Variants in KCNT2 observed in about 807,000 individuals in gnomAD.
The protein encoded by KCNT2 is potassium sodium-activated channel subfamily T member 2, also known as potassium channel subfamily T member 2.
KCNT2 carries 67 observed loss-of-function variants against 153.8 expected under a neutral mutation model. The ratio of observed to expected loss-of-function variants is 0.44; its 90% CI spans 0.36 to 0.53. KCNT2 has a LOEUF of 0.53. Ranked by LOEUF, KCNT2 falls within the 20% of genes least tolerant of loss-of-function variation. The pLI, the probability that KCNT2 is intolerant of heterozygous loss-of-function variation, is 0.00. For synonymous variants in KCNT2, 500 were observed against 458.8 expected (o/e 1.09, Z -1.15); for missense variants, 975 against 1,354.8 (o/e 0.72, Z 4.40).
chr1:196,438,798 T>C (rs1031950525), intron 8 of KCNT2, among the ~76,000 whole-genome samples: 2 of 152,002 alleles, frequency 1.3e-5, no homozygotes, highest in African/African-American at 4.8e-5. Context: ...ATTTATACAA[T>C]TCACTAAGTT....
intron 14 of KCNT2, among the ~76,000 whole-genome samples, chr1:196,356,411 T>G (rs1018159134): frequency 6.6e-6 from 1 of 151,780 alleles, no homozygotes; most frequent in Admixed American, 6.6e-5. Flanking sequence ...TGGATGCATA[T>G]GATGATTATT....
chr1:196,445,502 A>G (rs1040307797), intron 8 of KCNT2, among the ~76,000 whole-genome samples: 2 of 151,396 alleles, frequency 1.3e-5, no homozygotes, highest in South Asian at 2.1e-4. Flanking sequence ...TTCACATTGT[A>G]AGCAATGAGA....
chr1:196,269,690 C>G (rs756294889), intron 25 of KCNT2, among the ~76,000 whole-genome samples: 1 of 151,960 alleles, frequency 6.6e-6, no homozygotes, highest in Non-Finnish European at 1.5e-5. Flanking sequence ...TAAAAAATAC[C>G]TATTGTTATA....
In KCNT2 at chr1:196,296,392, A is replaced by C. The variant is rs568653344; in HGVS notation, c.2595+8842T>G. On this transcript the variant is annotated intron_variant, in intron 22 of 27. Coordinates refer to ENST00000294725, the MANE Select transcript of KCNT2 (RefSeq NM_198503.5). ...TAATCTGATACAGTTTGATTATAAC[A>C]ATGAATATATTACAAATATGAATAA... 1.4e-3 allele frequency among the ~76,000 whole-genome samples: 206 copies of C among 152,150 alleles called. 1 individual carries two copies. In the South Asian group the frequency reaches 0.014, roughly 11 times the overall value.
intron 8 of KCNT2, among the ~76,000 whole-genome samples, chr1:196,449,859 A>G (rs1369814015): frequency 6.6e-6 from 1 of 151,726 alleles, no homozygotes; most frequent in Non-Finnish European, 1.5e-5. Flanking sequence ...AATTGACTTT[A>G]TGATGTTTTA....
Position 196,365,670 on chromosome 1 carries a change from T to G in KCNT2, c.1403+7470A>C, listed in dbSNP as rs150953907. 3.0e-4 allele frequency among the ~76,000 whole-genome samples: 45 copies of G among 152,326 alleles called. No individual in the cohort carries two copies. The East Asian group carries it at 8.3e-3, about 28-fold the overall frequency. On this transcript the variant is annotated intron_variant, in intron 14 of 27. Coordinates refer to ENST00000294725, the MANE Select transcript of KCNT2 (RefSeq NM_198503.5). ...TCTTATAGTCATGAAATTGTGATGT[T>G]TTGGTATAGGCTTAGGAATATTCTG...
intron 14 of KCNT2, among the ~76,000 whole-genome samples, chr1:196,359,954 A>G (rs568268296): frequency 3.3e-5 from 5 of 152,192 alleles, no homozygotes; most frequent in African/African-American, 1.2e-4. Flanking sequence ...TTTAAATCTA[A>G]TTTAATAATG....
At chr1:196,263,808 C>T (rs182878468) in intron 25 of KCNT2, among the ~76,000 whole-genome samples, 1 of 152,140 alleles carries the variant, frequency 6.6e-6, no homozygotes, top group Non-Finnish European at 1.5e-5. Flanking sequence ...GGTTAATTAT[C>T]TCTAAAAGAT....
chr1:196,477,215 TTTGTAAAAACTTC>T (rs1191683897), intron 5 of KCNT2, among the ~76,000 whole-genome samples: 1 of 150,644 alleles, frequency 6.6e-6, no homozygotes, highest in Non-Finnish European at 1.5e-5. Flanking sequence ...AAAGGGTGAG[TTTGTAAAAACTTC>T]TTGCTCTAAA....
chr1:196,491,147 A>T (rs910459401), intron 2 of KCNT2, among the ~76,000 whole-genome samples: 4 of 152,022 alleles, frequency 2.6e-5, no homozygotes, highest in Non-Finnish European at 5.9e-5. Context: ...CAAACAATGC[A>T]TCCACCTTTT....
At chr1:196,573,225 T>A (rs1329278091) in intron 1 of KCNT2, among the ~76,000 whole-genome samples, 1 of 152,082 alleles carries the variant, frequency 6.6e-6, no homozygotes, top group African/African-American at 2.4e-5. Context: ...AATAAAAGCA[T>A]ACTAAAAAAG....
At chr1:196,328,648 C>A (rs866337398) in intron 18 of KCNT2, among the ~76,000 whole-genome samples, 44 of 147,754 alleles carry the variant, frequency 3.0e-4, no homozygotes, top group East Asian at 8.0e-4. Context: ...AAAAAAAAAA[C>A]CAGAAAACTA....
Position 196,340,469 on chromosome 1 carries a change from TA to T in KCNT2, c.1654del (p.Tyr552IlefsTer39). The stretch of plus-strand genomic sequence containing the variant: ...ATTCTCTTCTTTGGTAATATTAATA[TA>T]AAAGCATATGTCTGTAGAATTCATA... ...YIMNSTDICF[Y>X]INITKEENSA... is the part of the protein sequence containing the mutation. On this transcript the variant is annotated frameshift_variant, in exon 16 of 28. Transcript: ENST00000294725. LOFTEE classifies it high-confidence loss of function. 6.2e-7 allele frequency: 1 copy of T among 1,611,414 alleles called. No individual in the cohort carries two copies. Among genetic ancestry groups the T allele is most frequent in the Non-Finnish European group, 8.5e-7 (1 of 1,178,042 alleles).
At chr1:196,571,091 G>T (rs1660727357) in intron 1 of KCNT2, among the ~76,000 whole-genome samples, 1 of 152,040 alleles carries the variant, frequency 6.6e-6, no homozygotes, top group Non-Finnish European at 1.5e-5. Flanking sequence ...TATTTTGTAT[G>T]ACTTCAACAC....
intron 21 of KCNT2, among the ~76,000 whole-genome samples, chr1:196,309,522 C>T (rs886128035): frequency 2.6e-5 from 4 of 151,768 alleles, no homozygotes; most frequent in Admixed American, 6.6e-5. Flanking sequence ...TTCTGTTCTA[C>T]ATAAATGAAC....
chr1:196,586,738 T>TC (rs1387113078), intron 1 of KCNT2, among the ~76,000 whole-genome samples: 13 of 152,028 alleles, frequency 8.6e-5, no homozygotes, highest in African/African-American at 3.1e-4. Context: ...CAACAACAAC[T>TC]GTAAGTAGTA....
intron 1 of KCNT2, among the ~76,000 whole-genome samples, chr1:196,516,926 C>G (rs1267725289): frequency 1.3e-5 from 2 of 152,144 alleles, no homozygotes; most frequent in African/African-American, 4.8e-5. Flanking sequence ...TATGTGGGTC[C>G]CTGATCTCAT....
chr1:196,329,377 C>G (rs1231415863), intron 18 of KCNT2, among the ~76,000 whole-genome samples: 1 of 152,060 alleles, frequency 6.6e-6, no homozygotes, highest in African/African-American at 2.4e-5. Flanking sequence ...GGTAAAGAGA[C>G]AGTTAATAGT....
chr1:196,413,037 A>T (rs1270165269), intron 12 of KCNT2, among the ~76,000 whole-genome samples: 2 of 151,826 alleles, frequency 1.3e-5, no homozygotes, highest in East Asian at 3.9e-4. Flanking sequence ...TACAAAGTTA[A>T]TATATTCTTT....
Sources: allele counts gnomAD v4.1 joint callset (sites outside exome capture counted in the v4.1 genomes callset), GRCh38; gene constraint gnomAD v4.1.1; transcripts MANE v1.5; gene names NCBI Gene and HGNC (gene_info 2026-07-23, HGNC 2026-07-21).